The following DNAH1 variants were observed in gnomAD, a reference collection of about 807,000 sequenced individuals.
DNAH1 encodes dynein axonemal heavy chain 1.
Under a neutral mutation model 484.3 loss-of-function variants are expected in DNAH1, and 327 were observed. That is an observed-to-expected ratio of 0.68 (90% CI 0.62 to 0.74). The LOEUF is 0.74. Ranked by LOEUF, DNAH1 falls within the 30% of genes least tolerant of loss-of-function variation. DNAH1 has a pLI of 0.00. For missense variants in DNAH1, 5,052 were observed against 5,546.8 expected, an observed-to-expected ratio of 0.91 and a Z score of 2.83; for synonymous variants, 2,192 against 2,191.9, an observed-to-expected ratio of 1.00 and a Z score of 0.00.
chr3:52,331,869 C>G (rs1701567956), intron 7 of DNAH1, among the ~76,000 whole-genome samples: 1 of 152,144 alleles, frequency 6.6e-6, no homozygotes, highest in Non-Finnish European at 1.5e-5. Flanking sequence ...CAAGCATCCT[C>G]CCTCCTTGGC....
chr3:52,322,323 G>A (rs1426721914), intron 1 of DNAH1, 86 bp from the exon 2 acceptor site: 1 of 889,702 alleles, frequency 1.1e-6, no homozygotes, highest in Non-Finnish European at 1.7e-6. Context: ...TGGGGCTTGT[G>A]GCAGGCAGGC....
At chr3:52,312,518 T>C (rs1326754995), upstream of DNAH1, among the ~76,000 whole-genome samples, 1 of 150,426 alleles carries the variant, frequency 6.6e-6, no homozygotes, top group East Asian at 2.0e-4. Flanking sequence ...TCACCCAAGC[T>C]GGAGCACAGT....
At position 52,388,212 on chromosome 3, in the gene DNAH1, G is replaced by C. The variant is rs192952178; in HGVS notation, c.9049G>C (p.Asp3017His). Reference protein sequence around the residue: ...VVIKAIQPYIDNEEFQPATIA... With the variant: ...VVIKAIQPYIHNEEFQPATIA... Reference sequence around the variant, plus strand: ...GATCAAAGCCATCCAGCCGTACATCGATAATGAAGAGTTCCAGCCAGCCAC... The same window carrying C: ...GATCAAAGCCATCCAGCCGTACATCCATAATGAAGAGTTCCAGCCAGCCAC... The change falls in exon 57 of 78, where the codon GAT (aspartate) becomes CAT (histidine). Residue 3017 changes from aspartate (D) to histidine (H), a missense_variant. By Grantham distance (81) the Asp-to-His change is moderately conservative. This residue lies in a region of DNAH1 where 2,929 missense variants were observed against 3,409.4 expected (regional missense o/e 0.86). Coordinates refer to ENST00000420323, the MANE Select transcript of DNAH1 (RefSeq NM_015512.5). 1 of 1,609,386 alleles carries C rather than the reference G, an allele frequency of 6.2e-7. No homozygotes were observed. The highest frequency in any genetic ancestry group is 8.5e-7 in the Non-Finnish European group (1 of 1,178,026).
chr3:52,382,278 C>T (rs771604697), intron 49 of DNAH1, 42 bp from the exon 50 acceptor site: 3 of 1,613,748 alleles, frequency 1.9e-6, no homozygotes, highest in Non-Finnish European at 2.5e-6. Flanking sequence ...AGCGTCTGGC[C>T]CCAAGTCCCT....
intron 34 of DNAH1, 124 bp from the exon 35 acceptor site, chr3:52,366,332 AT>A: frequency 1.3e-6 from 1 of 741,900 alleles, no homozygotes; most frequent in East Asian, 2.7e-5. Context: ...CACCATCCTC[AT>A]TTTATAGATG....
rs760259763 is a variant in DNAH1, at chr3:52,364,978, T to C, written c.5477T>C (p.Ile1826Thr). ...DTDYGILDEA[I>T]REACRNSNLK... ...GACTACGGCATCCTGGATGAGGCCA[T>C]CCGCGAGGCCTGCAGGAACAGCAAC... Residue 1826 changes from isoleucine to threonine, a missense_variant, in exon 34 of 78, where the codon ATC becomes ACC. By Grantham distance (89) the Ile-to-Thr change is moderately conservative (BLOSUM62 -1). This residue lies in a region of DNAH1 where 2,929 missense variants were observed against 3,409.4 expected (regional missense o/e 0.86). Transcript: ENST00000420323. This position sits in a 1 kb window ranked among gnomAD's most constrained non-coding sequence, Gnocchi z 4.2. The C allele has an allele frequency of 1.9e-6, 3 of 1,613,628 alleles. No homozygotes were observed. The highest frequency in any genetic ancestry group is 2.5e-6 in the Non-Finnish European group (3 of 1,179,632).
At chr3:52,321,540 C>T (rs1300406255) in intron 1 of DNAH1, 1 of 152,278 alleles carries the variant, frequency 6.6e-6, no homozygotes, top group East Asian at 1.9e-4. Flanking sequence ...TGTTCTCCTG[C>T]CCAAGGATTC....
chr3:52,340,054 A>T (rs145835068), intron 8 of DNAH1, among the ~76,000 whole-genome samples: 12 of 152,182 alleles, frequency 7.9e-5, no homozygotes, highest in African/African-American at 2.9e-4. Flanking sequence ...CTGATTTACC[A>T]GGGCTTTTTT....
At chr3:52,316,234 A>C (rs916762571), upstream of DNAH1, 3 of 152,240 alleles carry the variant, frequency 2.0e-5, no homozygotes, top group Non-Finnish European at 4.4e-5. Context: ...CAACCCGGAT[A>C]GATGCTGCAG....
At chr3:52,340,058 C>A (rs1040470759) in intron 8 of DNAH1, among the ~76,000 whole-genome samples, 1 of 152,078 alleles carries the variant, frequency 6.6e-6, no homozygotes, top group Non-Finnish European at 1.5e-5. Context: ...TTTACCAGGG[C>A]TTTTTTTCAG....
chr3:52,337,937 G>A (rs1701793561), intron 8 of DNAH1, among the ~76,000 whole-genome samples: 1 of 152,038 alleles, frequency 6.6e-6, no homozygotes, highest in Admixed American at 6.6e-5. Context: ...TGGGACCACA[G>A]GTGTGAGCTA....
At chr3:52,345,733 G>T (rs1702116003) in intron 10 of DNAH1, 27 bp downstream of exon 10, 1 of 1,596,510 alleles carries the variant, frequency 6.3e-7, no homozygotes, top group Non-Finnish European at 8.5e-7. Flanking sequence ...GGCACAGGGG[G>T]CAAACGCAGG....
intron 44 of DNAH1, among the ~76,000 whole-genome samples, chr3:52,373,479 G>C (rs1299193096): frequency 6.6e-6 from 1 of 152,266 alleles, no homozygotes; most frequent in Non-Finnish European, 1.5e-5. Flanking sequence ...AGACACAGTA[G>C]AATCAGAGCA....
rs752420137 is a variant in DNAH1 at position 52,346,673 on chromosome 3, G to T, written c.1858G>T (p.Ala620Ser). The part of the protein sequence containing the change: ...TLRFLVQDSL[A>S]SFSQFISDTC... ...GCGCTTCCTGGTGCAGGACTCACTT[G>T]CCAGCTTCTCACAGTTCATCAGCGA... Residue 620 changes from alanine to serine, a missense_variant, in exon 11 of 78, where the codon GCC (alanine) becomes TCC (serine). Physicochemically the swap from Ala to Ser is moderately conservative, Grantham distance 99. Coordinates refer to ENST00000420323, the MANE Select transcript of DNAH1 (RefSeq NM_015512.5). The T allele has an allele frequency of 1.2e-6, 2 of 1,614,042 alleles. No individual in the cohort carries two copies. The highest frequency in any genetic ancestry group is 4.5e-5 in the East Asian group (2 of 44,880).
Position 52,391,016 on chromosome 3 carries a change from G to A in DNAH1, c.9703G>A (p.Asp3235Asn), listed in dbSNP as rs1381770620. Reference protein sequence around the residue: ...QFSQRWTHFIDPQSQANKWIK... With the variant: ...QFSQRWTHFINPQSQANKWIK... ...TTCCCAGCGCTGGACCCACTTCATT[G>A]ACCCTCAGAGCCAGGCCAACAAATG... The change falls in exon 61 of 78, where the codon GAC (aspartate) becomes AAC (asparagine). Residue 3235 changes from aspartate to asparagine, a missense_variant. Around this residue, in one of 4 missense-constraint regions of DNAH1, gnomAD observed 2,929 missense variants for 3,409.4 expected, o/e 0.86. Coordinates refer to ENST00000420323, the MANE Select transcript of DNAH1 (RefSeq NM_015512.5). 1 of 1,556,240 alleles carries A rather than the reference G, an allele frequency of 6.4e-7. No individual in the cohort carries two copies. The highest frequency in any genetic ancestry group is 8.7e-7 in the Non-Finnish European group (1 of 1,149,660).
chr3:52,361,400 C>A lies in DNAH1; in HGVS notation c.4874+48C>A. ...CACAGGATGGGGTGGGACAGCCTAGCTCTCCTTGGGGAGGGCTAGGTGAGG... is the reference window on the plus strand; with the variant it reads ...CACAGGATGGGGTGGGACAGCCTAGATCTCCTTGGGGAGGGCTAGGTGAGG... On this transcript the variant is annotated intron_variant, in intron 29 of 77. Coordinates refer to ENST00000420323, the MANE Select transcript of DNAH1 (RefSeq NM_015512.5). The surrounding 1 kb of genome is among the most constrained non-coding windows in gnomAD (Gnocchi z 5.6). 3 of 1,496,628 alleles carry A rather than the reference C, an allele frequency of 2.0e-6. No individual in the cohort carries two copies. The South Asian group carries it at 4.0e-5, about 20-fold the overall frequency. The allele number at this position is 1,496,628 out of a possible 1,614,324, so 92.7% of individuals were successfully genotyped here.
chr3:52,375,519 A>G, intron 45 of DNAH1, 106 bp downstream of exon 45: 1 of 1,261,378 alleles, frequency 7.9e-7, no homozygotes, highest in East Asian at 2.5e-5. Context: ...TGGCCAAACC[A>G]TGACCGCAAC....
chr3:52,344,365 A>G (rs865817248), intron 8 of DNAH1, 125 bp from the exon 9 acceptor site: 8 of 1,214,438 alleles, frequency 6.6e-6, no homozygotes, highest in East Asian at 2.6e-5. Context: ...GGGTGTGCCC[A>G]TGAATCCAGA....
chr3:52,391,020 C>T lies in DNAH1; in HGVS notation c.9707C>T (p.Pro3236Leu), dbSNP rs1312501133. The T allele has an allele frequency of 6.4e-7, 1 of 1,556,750 alleles. No individual in the cohort carries two copies. ...FSQRWTHFID[P>L]QSQANKWIKN... is the part of the protein sequence containing the mutation. ...CAGCGCTGGACCCACTTCATTGACC[C>T]TCAGAGCCAGGCCAACAAATGGATC... Residue 3236 changes from proline to leucine, a missense_variant, in exon 61 of 78, where the codon CCT (proline) becomes CTT (leucine). By Grantham distance (98) the Pro-to-Leu change is moderately conservative (BLOSUM62 -3). Transcript: ENST00000420323.
Sources: gnomAD v4.1 joint callset for allele counts (sites outside exome capture counted in the v4.1 genomes callset) on GRCh38, gnomAD v4.1.1 for gene constraint, gnomAD v4.1.1 regional missense constraint, Gnocchi (gnomAD v3.1) non-coding constraint, MANE v1.5 for transcripts, NCBI Gene and HGNC (gene_info 2026-07-23, HGNC 2026-07-21) for gene names.